Variants in AGBL1 observed in about 807,000 individuals in gnomAD.
AGBL1 encodes the protein cytosolic carboxypeptidase 4.
In AGBL1, 130 loss-of-function variants were observed where a neutral mutation model predicts 118.9. That is an observed-to-expected ratio of 1.09 (90% CI 0.95 to 1.26). The LOEUF (loss-of-function observed/expected upper bound fraction) is 1.26, where lower values mean the gene tolerates loss of function less well. AGBL1 is among the 50% of genes most tolerant of loss of function. The pLI, the probability that AGBL1 is intolerant of heterozygous loss-of-function variation, is 0.00. For synonymous variants in AGBL1, 555 were observed against 478.9 expected, an observed-to-expected ratio of 1.16 and a Z score of -2.08; for missense variants, 1,584 against 1,298.1, an observed-to-expected ratio of 1.22 and a Z score of -3.38.
At chr15:86,486,967 C>T (rs896071621) in intron 18 of AGBL1, among the ~76,000 whole-genome samples, 10 of 152,004 alleles carry the variant, frequency 6.6e-5, no homozygotes, top group East Asian at 1.9e-4. Context: ...TTCTGTAACC[C>T]GCTGGATGCT....
rs185736917 is a variant in AGBL1, at chr15:86,514,268, C to T, written c.2556-8542C>T. On this transcript the variant is annotated intron_variant, in intron 18 of 22. Coordinates refer to ENST00000614907, the MANE Select transcript of AGBL1 (RefSeq NM_001386094.1). ...AGAGTTAATTCCTTATTTGTAATTCCTTTCTGTAACAGTGAGAAACCTGGT... is the reference window on the plus strand; with the variant it reads ...AGAGTTAATTCCTTATTTGTAATTCTTTTCTGTAACAGTGAGAAACCTGGT... Among the ~76,000 whole-genome samples the T allele has an allele frequency of 4.8e-3, 733 of 151,968 alleles. 14 individuals carry two copies. Among genetic ancestry groups the T allele is most frequent in the Non-Finnish European group, 4.6e-3 (311 of 67,912 alleles).
At chr15:86,535,800 G>A (rs1567044997) in intron 19 of AGBL1, among the ~76,000 whole-genome samples, 3 of 152,236 alleles carry the variant, frequency 2.0e-5, no homozygotes, top group South Asian at 2.1e-4. Flanking sequence ...AAAGGATGGC[G>A]TATTCCTTTC....
rs151219044 is a variant in AGBL1 at position 86,826,421 on chromosome 15, C to T, written c.3159-80666C>T. 1.0e-2 allele frequency among the ~76,000 whole-genome samples: 1,516 copies of T among 152,124 alleles called. 22 individuals are homozygous for T. The highest frequency in any genetic ancestry group is 0.01 in the Middle Eastern group (3 of 292). On this transcript the variant is annotated intron_variant, in intron 22 of 22. Coordinates refer to ENST00000614907, the MANE Select transcript of AGBL1 (RefSeq NM_001386094.1). ...GAAATATTAGAATTGATTTATTACA[C>T]GACATCTAAAATTTACCATCTGATA...
At chr15:86,425,439 G>C (rs1262776352) in intron 18 of AGBL1, among the ~76,000 whole-genome samples, 1 of 152,044 alleles carries the variant, frequency 6.6e-6, no homozygotes, top group Non-Finnish European at 1.5e-5. Context: ...ACCTAATGTA[G>C]ATGATGAGTT....
At chr15:86,276,520 A>G (rs937290563) in intron 15 of AGBL1, among the ~76,000 whole-genome samples, 11 of 152,228 alleles carry the variant, frequency 7.2e-5, no homozygotes, top group African/African-American at 1.7e-4. Context: ...CGTGTATTAT[A>G]CAAACTTTAA....
At chr15:86,200,770 C>G in intron 5 of AGBL1, among the ~76,000 whole-genome samples, 1 of 151,902 alleles carries the variant, frequency 6.6e-6, no homozygotes. Context: ...GCACCTGCCA[C>G]CACGCCCGGC....
chr15:86,157,708 G>T (rs1374455760), intron 4 of AGBL1, among the ~76,000 whole-genome samples: 1 of 152,178 alleles, frequency 6.6e-6, no homozygotes, highest in Non-Finnish European at 1.5e-5. Context: ...GTTAGCCACT[G>T]TTGAATGTTC....
At chr15:86,609,845 G>A (rs1418784559) in intron 21 of AGBL1, among the ~76,000 whole-genome samples, 2 of 152,072 alleles carry the variant, frequency 1.3e-5, no homozygotes, top group African/African-American at 4.8e-5. Context: ...GATTTCCCTC[G>A]ACTACTTATT....
At chr15:86,135,909 A>G (rs904918651) in intron 1 of AGBL1, among the ~76,000 whole-genome samples, 1 of 152,204 alleles carries the variant, frequency 6.6e-6, no homozygotes, top group Non-Finnish European at 1.5e-5. Context: ...CACCCGGTTC[A>G]TGTGGAATAC....
chr15:86,918,205 T>C (rs2080448201), downstream of AGBL1, among the ~76,000 whole-genome samples: 1 of 152,220 alleles, frequency 6.6e-6, no homozygotes, highest in Non-Finnish European at 1.5e-5. Flanking sequence ...ATGTTTACTA[T>C]TCACAAAACC....
At chr15:86,855,533 C>T (rs1033170505) in intron 22 of AGBL1, among the ~76,000 whole-genome samples, 1 of 152,186 alleles carries the variant, frequency 6.6e-6, no homozygotes, top group Non-Finnish European at 1.5e-5. Flanking sequence ...GTGCTTCCTC[C>T]TCCTATCAGG....
intron 22 of AGBL1, among the ~76,000 whole-genome samples, chr15:86,852,980 C>T (rs2079427947): frequency 6.6e-6 from 1 of 152,104 alleles, no homozygotes; most frequent in Non-Finnish European, 1.5e-5. Context: ...CATTTGTGGT[C>T]AGAGTTGAAA....
At chr15:86,422,969 C>T (rs898908458) in intron 18 of AGBL1, among the ~76,000 whole-genome samples, 1 of 152,116 alleles carries the variant, frequency 6.6e-6, no homozygotes, top group Non-Finnish European at 1.5e-5. Flanking sequence ...AAAAACAGTC[C>T]AGGACTGGAC....
intron 22 of AGBL1, among the ~76,000 whole-genome samples, chr15:86,743,045 T>C (rs1272839507): frequency 1.3e-5 from 2 of 152,144 alleles, no homozygotes; most frequent in Admixed American, 6.6e-5. Context: ...TCAATAATTG[T>C]AAGCTGGATG....
Position 86,329,283 on chromosome 15 carries a change from C to T in AGBL1, c.2374+33875C>T, listed in dbSNP as rs893251548. Among the ~76,000 whole-genome samples the T allele has an allele frequency of 6.6e-5, 10 of 152,044 alleles. No individual in the cohort carries two copies. The East Asian group carries it at 1.9e-3, about 30-fold the overall frequency. On this transcript the variant is annotated intron_variant, in intron 17 of 22. Transcript: ENST00000614907. Reference sequence around the variant, plus strand: ...CACTTGCCTGGACCAGCAGCCTGAGCCACCCCACCCTCATGGACATAGATG... The same window carrying T: ...CACTTGCCTGGACCAGCAGCCTGAGTCACCCCACCCTCATGGACATAGATG...
chr15:86,218,852 C>A (rs1453812267), intron 5 of AGBL1, among the ~76,000 whole-genome samples: 1 of 152,144 alleles, frequency 6.6e-6, no homozygotes, highest in Non-Finnish European at 1.5e-5. Flanking sequence ...AACATCCTTC[C>A]CCAGTTGAGC....
chr15:86,895,254 CA>C (rs980818337), intron 22 of AGBL1, among the ~76,000 whole-genome samples: 6 of 151,660 alleles, frequency 4.0e-5, no homozygotes, highest in African/African-American at 1.5e-4. Context: ...TTAAAATACT[CA>C]TTTTAAGCCT....
At chr15:86,857,731 C>G (rs959030792) in intron 22 of AGBL1, among the ~76,000 whole-genome samples, 2 of 152,154 alleles carry the variant, frequency 1.3e-5, no homozygotes, top group African/African-American at 4.8e-5. Flanking sequence ...AGGGCAAGGA[C>G]GGTGTCCGTC....
chr15:86,223,769 C>G (rs1490497615), intron 5 of AGBL1, among the ~76,000 whole-genome samples: 1 of 152,120 alleles, frequency 6.6e-6, no homozygotes, highest in Non-Finnish European at 1.5e-5. Context: ...TTATGGGGAG[C>G]AATGCTTTCA....
Sources: allele counts gnomAD v4.1 joint callset (sites outside exome capture counted in the v4.1 genomes callset), GRCh38; gene constraint gnomAD v4.1.1; transcripts MANE v1.5; gene names NCBI Gene and HGNC (gene_info 2026-07-23, HGNC 2026-07-21).